The following PIGL variants were observed in gnomAD, a reference collection of about 807,000 sequenced individuals.
The protein encoded by PIGL is phosphatidylinositol glycan anchor biosynthesis class L, also known as N-acetylglucosaminyl-phosphatidylinositol de-N-acetylase.
In PIGL, 22 loss-of-function variants were observed where a neutral mutation model predicts 31.1. That is an observed-to-expected ratio of 0.71 (90% confidence interval 0.51 to 1.01). PIGL has a LOEUF of 1.01. Ranked by LOEUF, PIGL falls within the 50% of genes least tolerant of loss-of-function variation. The pLI is 0.00. For missense variants in PIGL, 302 were observed against 315.9 expected, an observed-to-expected ratio of 0.96 and a Z score of 0.33; for synonymous variants, 131 against 117.4, an observed-to-expected ratio of 1.12 and a Z score of -0.75.
intron 2 of PIGL, among the ~76,000 whole-genome samples, chr17:16,298,064 C>CT (rs1298954740): frequency 6.6e-6 from 1 of 152,242 alleles, no homozygotes; most frequent in African/African-American, 2.4e-5. Context: ...CTAATGCCCC[C>CT]CACCCCTGTC....
At chr17:16,313,199 A>C (rs1309842376) in intron 3 of PIGL, among the ~76,000 whole-genome samples, 1 of 152,240 alleles carries the variant, frequency 6.6e-6, no homozygotes, top group Non-Finnish European at 1.5e-5. Context: ...GTATCTGCAT[A>C]AACAGAGTTC....
intron 2 of PIGL, among the ~76,000 whole-genome samples, chr17:16,256,045 C>T (rs2092792447): frequency 6.6e-6 from 1 of 151,872 alleles, no homozygotes; most frequent in Admixed American, 6.6e-5. Context: ...AAAAGTGAGA[C>T]CAGGAAGGAA....
In PIGL at chr17:16,255,950, T is replaced by C. The variant is rs2092791946; in HGVS notation, c.335+21880T>C. On this transcript the variant is annotated intron_variant, in intron 2 of 6. Coordinates refer to ENST00000225609, the MANE Select transcript of PIGL (RefSeq NM_004278.4). ...ATGTGAAAACTGAAAGCTGCTTCGA[T>C]ACTACTTCAAAGCCAGATTATTCTG... Among the ~76,000 whole-genome samples the C allele has an allele frequency of 2.0e-5, 3 of 152,088 alleles. No homozygotes were observed. In the South Asian group the frequency reaches 6.2e-4, roughly 31 times the overall value.
intron 2 of PIGL, among the ~76,000 whole-genome samples, chr17:16,260,191 A>C (rs527734056): frequency 6.6e-6 from 1 of 152,276 alleles, no homozygotes; most frequent in Non-Finnish European, 1.5e-5. Context: ...TGCCATGGAC[A>C]CTTGGATGGC....
chr17:16,217,355 C>CCTG lies in PIGL; in HGVS notation c.133_135dup (p.Leu45dup). The stretch of plus-strand genomic sequence containing the variant: ...GACGGCTGGGAGCCGAAAGCCGGAC[C>CCTG]CTGCTGGTCATAGCGCACCCTGACG... On this transcript the variant is annotated inframe_insertion, in exon 1 of 7. Coordinates refer to ENST00000225609, the MANE Select transcript of PIGL (RefSeq NM_004278.4). 6.2e-7 allele frequency: 1 copy of CCTG among 1,614,168 alleles called. No individual in the cohort carries two copies. Among genetic ancestry groups the CCTG allele is most frequent in the Non-Finnish European group, 8.5e-7 (1 of 1,180,034 alleles).
At chr17:16,246,186 C>G (rs141525778) in intron 2 of PIGL, among the ~76,000 whole-genome samples, 1 of 151,608 alleles carries the variant, frequency 6.6e-6, no homozygotes, top group South Asian at 2.1e-4. Flanking sequence ...CTCCCCTACT[C>G]GTGAAATGCT....
chr17:16,318,418 C>T (rs1305917759), intron 6 of PIGL, among the ~76,000 whole-genome samples: 2 of 151,678 alleles, frequency 1.3e-5, no homozygotes, highest in African/African-American at 2.4e-5. Flanking sequence ...TTACAGGCAC[C>T]GCCACCACAC....
At chr17:16,291,868 AAAAAAAG>A (rs1032937094) in intron 2 of PIGL, among the ~76,000 whole-genome samples, 22 of 151,922 alleles carry the variant, frequency 1.4e-4, no homozygotes, top group Admixed American at 3.3e-4. Flanking sequence ...CAATCTCAAA[AAAAAAAG>A]AAAAAAGAAA....
chr17:16,246,228 A>G (rs1437480727), intron 2 of PIGL, among the ~76,000 whole-genome samples: 2 of 151,694 alleles, frequency 1.3e-5, no homozygotes, highest in Non-Finnish European at 2.9e-5. Flanking sequence ...TATTAAAAGT[A>G]AGTACTTCAG....
intron 2 of PIGL, among the ~76,000 whole-genome samples, chr17:16,235,370 T>A (rs2092695152): frequency 6.6e-6 from 1 of 152,082 alleles, no homozygotes; most frequent in South Asian, 2.1e-4. Flanking sequence ...AGAAACTGAA[T>A]TATGTTGTCA....
At chr17:16,260,432 C>G (rs1318865103) in intron 2 of PIGL, among the ~76,000 whole-genome samples, 2 of 152,168 alleles carry the variant, frequency 1.3e-5, no homozygotes, top group African/African-American at 4.8e-5. Context: ...CAGTCTCAGC[C>G]AGATTCAGGC....
Position 16,245,702 on chromosome 17 carries a change from C to CTA in PIGL, c.335+11643_335+11644dup, listed in dbSNP as rs538464194. Among the ~76,000 whole-genome samples the CTA allele has an allele frequency of 3.1e-3, 465 of 147,924 alleles. 14 individuals are homozygous for CTA. In the South Asian group the frequency reaches 0.069, roughly 22 times the overall value. On this transcript the variant is annotated intron_variant, in intron 2 of 6. Coordinates refer to ENST00000225609, the MANE Select transcript of PIGL (RefSeq NM_004278.4). Reference sequence around the variant, plus strand: ...ACAGGTGTGAGCCACTATGCCTGGCCTATATATATATACACACATATATAT... The same window carrying CTA: ...ACAGGTGTGAGCCACTATGCCTGGCCTATATATATATATACACACATATATAT...
intron 2 of PIGL, among the ~76,000 whole-genome samples, chr17:16,295,266 T>G (rs2142826681): frequency 6.6e-6 from 1 of 151,842 alleles, no homozygotes; most frequent in South Asian, 2.1e-4. Flanking sequence ...TAGCCAGGCA[T>G]GGTGGCGCAC....
chr17:16,237,616 C>T (rs1490417721), intron 2 of PIGL, among the ~76,000 whole-genome samples: 5 of 150,486 alleles, frequency 3.3e-5, no homozygotes, highest in South Asian at 2.1e-4. Context: ...GCCTGGGCAA[C>T]GTGGTGAAAC....
At chr17:16,241,884 G>A (rs116333407) in intron 2 of PIGL, among the ~76,000 whole-genome samples, 2,671 of 151,926 alleles carry the variant, frequency 0.018, 73 homozygotes, top group African/African-American at 0.06. Context: ...AGATTTAATC[G>A]TGAAGATGTA....
At chr17:16,238,581 G>A (rs2092709394) in intron 2 of PIGL, among the ~76,000 whole-genome samples, 1 of 148,384 alleles carries the variant, frequency 6.7e-6, no homozygotes, top group Admixed American at 6.7e-5. Context: ...GATTACAGGC[G>A]CCCACCACCA....
chr17:16,290,988 T>C (rs1392214784), intron 2 of PIGL, among the ~76,000 whole-genome samples: 1 of 152,202 alleles, frequency 6.6e-6, no homozygotes, highest in Non-Finnish European at 1.5e-5. Flanking sequence ...CCCCCAGATA[T>C]TCTTTAAGTG....
chr17:16,257,044 T>C (rs909022190), intron 2 of PIGL, among the ~76,000 whole-genome samples: 1 of 152,110 alleles, frequency 6.6e-6, no homozygotes, highest in Non-Finnish European at 1.5e-5. Context: ...GAGGCCGCAA[T>C]GAGCCATGCA....
chr17:16,224,083 T>G (rs1238782977), intron 1 of PIGL, among the ~76,000 whole-genome samples: 3 of 151,730 alleles, frequency 2.0e-5, no homozygotes, highest in African/African-American at 7.3e-5. Context: ...GGCATGGTGA[T>G]GTGCGCCTGT....
Sources: gnomAD v4.1 joint callset for allele counts (sites outside exome capture counted in the v4.1 genomes callset) on GRCh38, gnomAD v4.1.1 for gene constraint, MANE v1.5 for transcripts, NCBI Gene and HGNC (gene_info 2026-07-23, HGNC 2026-07-21) for gene names.